Variants in LRMDA observed in about 807,000 individuals in gnomAD.
LRMDA encodes the protein leucine-rich melanocyte differentiation-associated protein.
In LRMDA, 18 loss-of-function variants were observed where a neutral mutation model predicts 29.8. The observed-to-expected ratio is 0.60, with a 90% confidence interval of 0.42 to 0.90. The LOEUF (loss-of-function observed/expected upper bound fraction) is 0.90, where lower values mean the gene tolerates loss of function less well. Ranked by LOEUF, LRMDA falls within the 40% of genes least tolerant of loss-of-function variation. LRMDA has a pLI of 0.00. For missense variants in LRMDA, 273 were observed against 273.9 expected (o/e 1.00, Z 0.02); for synonymous variants, 125 against 109.4 (o/e 1.14, Z -0.89).
chr10:76,232,639 C>T (rs1221696074), intron 5 of LRMDA, among the ~76,000 whole-genome samples: 2 of 152,218 alleles, frequency 1.3e-5, no homozygotes, highest in African/African-American at 4.8e-5. Flanking sequence ...AGGAGATGGC[C>T]TCTACCTGCT....
At chr10:75,765,888 T>C (rs1396781023) in intron 2 of LRMDA, among the ~76,000 whole-genome samples, 2 of 151,058 alleles carry the variant, frequency 1.3e-5, no homozygotes, top group Admixed American at 6.6e-5. Flanking sequence ...GCAGAGAAGA[T>C]TGAATGCCAC....
In LRMDA at chr10:75,494,271, G is replaced by C. The variant is rs11001404; in HGVS notation, c.131+55777G>C. Among the ~76,000 whole-genome samples, 3 of 152,222 alleles carry C rather than the reference G, an allele frequency of 2.0e-5. No homozygotes were observed. The East Asian group carries it at 5.8e-4, about 29-fold the overall frequency. ...AGTGGTCTTTTACTTCTTGTCTTTAGAGATATGGTGGCTGTTACCTTTGGT... is the reference window on the plus strand; with the variant it reads ...AGTGGTCTTTTACTTCTTGTCTTTACAGATATGGTGGCTGTTACCTTTGGT... On this transcript the variant is annotated intron_variant, in intron 2 of 6. Transcript: ENST00000611255.
At chr10:76,442,547 T>A (rs924927761) in intron 6 of LRMDA, among the ~76,000 whole-genome samples, 10 of 151,960 alleles carry the variant, frequency 6.6e-5, no homozygotes, top group African/African-American at 2.2e-4. Context: ...TAAAAAATTA[T>A]CTGGGCATGG....
chr10:76,125,728 A>C (rs975019503), intron 5 of LRMDA, among the ~76,000 whole-genome samples: 28 of 152,204 alleles, frequency 1.8e-4, no homozygotes, highest in Admixed American at 1.6e-3. Flanking sequence ...TCAGGACTGC[A>C]TGCAGCTGGA....
intron 2 of LRMDA, among the ~76,000 whole-genome samples, chr10:75,769,442 T>C (rs546474610): frequency 6.6e-6 from 1 of 152,348 alleles, no homozygotes; most frequent in East Asian, 1.9e-4. Flanking sequence ...TTTGTAGCAA[T>C]AAGGCTAATA....
intron 5 of LRMDA, among the ~76,000 whole-genome samples, chr10:76,239,731 A>G (rs1381479823): frequency 6.6e-6 from 1 of 152,044 alleles, no homozygotes. Flanking sequence ...TGTACTTTCT[A>G]TAATCTGGTG....
intron 2 of LRMDA, among the ~76,000 whole-genome samples, chr10:75,896,857 G>GTGTGTGTGTGTC: frequency 6.6e-6 from 1 of 151,848 alleles, no homozygotes; most frequent in East Asian, 1.9e-4. Context: ...GTGTGTGTGT[G>GTGTGTGTGTGTC]TGTGTGTGTG....
chr10:75,577,292 G>C (rs896512286), intron 2 of LRMDA, among the ~76,000 whole-genome samples: 1 of 152,092 alleles, frequency 6.6e-6, no homozygotes, highest in Non-Finnish European at 1.5e-5. Flanking sequence ...GGATATCAGA[G>C]ATTGAAGATC....
At chr10:75,717,965 A>G (rs1163898975) in intron 2 of LRMDA, among the ~76,000 whole-genome samples, 1 of 152,196 alleles carries the variant, frequency 6.6e-6, no homozygotes, top group Non-Finnish European at 1.5e-5. Context: ...TTGCCTCAAA[A>G]TGTAGTCCCC....
chr10:76,126,475 A>G (rs767232826), intron 5 of LRMDA, among the ~76,000 whole-genome samples: 4 of 152,152 alleles, frequency 2.6e-5, no homozygotes, highest in Non-Finnish European at 5.9e-5. Flanking sequence ...ATTCTTTCAG[A>G]TAGCAAGGAG....
chr10:76,078,555 G>T (rs996783055), intron 5 of LRMDA, among the ~76,000 whole-genome samples: 4 of 152,134 alleles, frequency 2.6e-5, no homozygotes, highest in Admixed American at 1.3e-4. Flanking sequence ...GAATTTCAGG[G>T]CTGGGTGCGG....
At chr10:76,101,074 C>G (rs1223455822) in intron 5 of LRMDA, among the ~76,000 whole-genome samples, 1 of 152,178 alleles carries the variant, frequency 6.6e-6, no homozygotes, top group East Asian at 1.9e-4. Flanking sequence ...AATAATTTTA[C>G]AAATTATCCA....
At chr10:76,296,693 C>T (rs1236305876) in intron 5 of LRMDA, among the ~76,000 whole-genome samples, 2 of 152,158 alleles carry the variant, frequency 1.3e-5, no homozygotes, top group Non-Finnish European at 2.9e-5. Flanking sequence ...TGGATATAAA[C>T]CAACCTCATT....
At chr10:76,404,214 G>A (rs998532696) in intron 6 of LRMDA, among the ~76,000 whole-genome samples, 1 of 152,034 alleles carries the variant, frequency 6.6e-6, no homozygotes, top group Non-Finnish European at 1.5e-5. Context: ...ACCCAGAGGC[G>A]GACACTCCCC....
intron 2 of LRMDA, 81 bp downstream of exon 2, chr10:75,438,575 CA>C: frequency 9.6e-7 from 1 of 1,046,932 alleles, no homozygotes; most frequent in Non-Finnish European, 1.4e-6. Context: ...AGATAAAAGT[CA>C]AATGTTCCAA....
chr10:75,475,969 G>A (rs904445917), intron 2 of LRMDA, among the ~76,000 whole-genome samples: 2 of 152,270 alleles, frequency 1.3e-5, no homozygotes, highest in South Asian at 2.1e-4. Context: ...TCTAAGAGCC[G>A]CCCTCCCTTC....
intron 2 of LRMDA, among the ~76,000 whole-genome samples, chr10:75,887,654 T>G (rs1197515733): frequency 1.3e-5 from 2 of 152,230 alleles, no homozygotes; most frequent in Non-Finnish European, 2.9e-5. Flanking sequence ...TTGTGACATA[T>G]GCTTTATGGC....
At chr10:75,571,342 G>T (rs61862497) in intron 2 of LRMDA, among the ~76,000 whole-genome samples, 16,582 of 152,192 alleles carry the variant, frequency 0.11, 1,149 homozygotes, top group Middle Eastern at 0.25. Flanking sequence ...ACATTGTGTG[G>T]AGAACACATT....
chr10:76,027,694 A>G (rs1405830959), intron 2 of LRMDA, among the ~76,000 whole-genome samples: 1 of 152,232 alleles, frequency 6.6e-6, no homozygotes. Flanking sequence ...AATGCCCAGA[A>G]AAGCTTGGTG....
Sources: gnomAD v4.1 joint callset for allele counts (sites outside exome capture counted in the v4.1 genomes callset) on GRCh38, gnomAD v4.1.1 for gene constraint, MANE v1.5 for transcripts, NCBI Gene and HGNC (gene_info 2026-07-23, HGNC 2026-07-21) for gene names.